The following NRXN3 variants were observed in gnomAD, a reference collection of about 807,000 sequenced individuals.
NRXN3 encodes the protein neurexin III.
NRXN3 carries 32 observed loss-of-function variants against 137.6 expected under a neutral mutation model. The observed-to-expected ratio is 0.23, with a 90% confidence interval of 0.18 to 0.31. The LOEUF (loss-of-function observed/expected upper bound fraction) is 0.31, where lower values mean the gene tolerates loss of function less well. Among genes scored for constraint, NRXN3 ranks in the 10% least tolerant of loss-of-function variants. The pLI is 1.00. For synonymous variants in NRXN3, 798 were observed against 784.5 expected (o/e 1.02, Z -0.29); for missense variants, 1,574 against 2,062.5 (o/e 0.76, Z 4.59).
At chr14:79,131,217 G>T (rs1189534660) in intron 15 of NRXN3, among the ~76,000 whole-genome samples, 2 of 152,206 alleles carry the variant, frequency 1.3e-5, no homozygotes, top group African/African-American at 4.8e-5. Flanking sequence ...TCCATTGCTG[G>T]TGAGGAACTG....
intron 9 of NRXN3, among the ~76,000 whole-genome samples, chr14:78,809,854 T>C (rs1055832576): frequency 5.3e-5 from 8 of 152,146 alleles, no homozygotes; most frequent in Admixed American, 4.6e-4. Flanking sequence ...ATACAAAAAT[T>C]GTGTTAATGC....
chr14:79,334,315 T>C (rs77938236), intron 15 of NRXN3, among the ~76,000 whole-genome samples: 1,876 of 152,266 alleles, frequency 0.012, 40 homozygotes, highest in African/African-American at 0.043. Flanking sequence ...CATGCTATTT[T>C]GGGTGGAGAA....
intron 17 of NRXN3, among the ~76,000 whole-genome samples, chr14:79,672,004 A>G (rs2098610256): frequency 6.6e-6 from 1 of 152,086 alleles, no homozygotes; most frequent in Non-Finnish European, 1.5e-5. Context: ...AACATACACA[A>G]AGGAGCTTTT....
intron 10 of NRXN3, among the ~76,000 whole-genome samples, chr14:78,840,829 AATT>A (rs753612478): frequency 3.5e-4 from 54 of 152,328 alleles, no homozygotes; most frequent in East Asian, 7.7e-4. Flanking sequence ...CAAATTTAGT[AATT>A]ATTCTAGCCA....
chr14:78,229,378 G>T (rs1403077537), intron 1 of NRXN3, among the ~76,000 whole-genome samples: 1 of 151,810 alleles, frequency 6.6e-6, no homozygotes, highest in Non-Finnish European at 1.5e-5. Context: ...GAGCTGTAGT[G>T]CCACTTCCGC....
At chr14:78,667,657 T>C (rs905907856) in intron 6 of NRXN3, among the ~76,000 whole-genome samples, 5 of 152,176 alleles carry the variant, frequency 3.3e-5, no homozygotes, top group Admixed American at 2.6e-4. Flanking sequence ...CAAAGGAGAA[T>C]AATTACTTCT....
intron 16 of NRXN3, among the ~76,000 whole-genome samples, chr14:79,592,466 T>A (rs2097815290): frequency 6.6e-6 from 1 of 152,206 alleles, no homozygotes; most frequent in East Asian, 1.9e-4. Context: ...AATAATGAAT[T>A]GGCCTAATTG....
intron 4 of NRXN3, among the ~76,000 whole-genome samples, chr14:78,622,385 TTATTATGTAAAATTC>T (rs1482713415): frequency 6.6e-6 from 1 of 152,216 alleles, no homozygotes; most frequent in Non-Finnish European, 1.5e-5. Context: ...GTGAAGTACT[TTATTATGTAAAATTC>T]ATCCTGTTTT....
At chr14:79,069,679 G>C (rs1335695810) in intron 15 of NRXN3, among the ~76,000 whole-genome samples, 1 of 151,944 alleles carries the variant, frequency 6.6e-6, no homozygotes, top group African/African-American at 2.4e-5. Context: ...ACTTTCTCTT[G>C]AAGTGACATT....
chr14:79,728,939 C>T (rs945181805), intron 19 of NRXN3, among the ~76,000 whole-genome samples: 2 of 152,120 alleles, frequency 1.3e-5, no homozygotes, highest in African/African-American at 4.8e-5. Flanking sequence ...TGATTGAACA[C>T]CTACTATGTG....
At chr14:78,670,661 A>G (rs2097925272) in intron 6 of NRXN3, among the ~76,000 whole-genome samples, 1 of 152,208 alleles carries the variant, frequency 6.6e-6, no homozygotes, top group South Asian at 2.1e-4. Context: ...GTGTTGCTGG[A>G]GTAATGTAAA....
chr14:79,766,456 T>C lies in NRXN3; in HGVS notation c.4015-38656T>C, dbSNP rs547820600. ...AGCTTGTTCCTGAGCTGAATTTCCA[T>C]GATCAGATGGTGGCAAGAGCCAAGT... On this transcript the variant is annotated intron_variant, in intron 19 of 20. Transcript: ENST00000335750. Among the ~76,000 whole-genome samples the C allele has an allele frequency of 3.7e-4, 57 of 152,348 alleles. 1 individual carries two copies. In the South Asian group the frequency reaches 8.7e-3, roughly 23 times the overall value.
Position 78,312,102 on chromosome 14 carries a change from T to G in NRXN3, c.757+14242T>G, listed in dbSNP as rs116490161. 6.0e-3 allele frequency among the ~76,000 whole-genome samples: 914 copies of G among 152,288 alleles called. 10 individuals are homozygous for G. Among genetic ancestry groups the G allele is most frequent in the African/African-American group, 0.02 (812 of 41,562 alleles). ...TGGTCATCTTCACTGTTGATGGTAT[T>G]TGTTATAGATCATTCATAGGCTGCT... is the stretch of plus-strand genomic sequence containing the variant. On this transcript the variant is annotated intron_variant, in intron 4 of 20. Coordinates refer to ENST00000335750, the MANE Select transcript of NRXN3 (RefSeq NM_001330195.2).
At chr14:78,781,169 G>A (rs2153028158) in intron 8 of NRXN3, among the ~76,000 whole-genome samples, 1 of 152,188 alleles carries the variant, frequency 6.6e-6, no homozygotes, top group East Asian at 1.9e-4. Flanking sequence ...TACTGAATAT[G>A]CAAACTGATA....
intron 8 of NRXN3, among the ~76,000 whole-genome samples, chr14:78,772,519 G>A (rs558323234): frequency 1.3e-5 from 2 of 152,284 alleles, no homozygotes; most frequent in African/African-American, 4.8e-5. Flanking sequence ...GCTAATAAGT[G>A]TCAAAACTAG....
intron 10 of NRXN3, among the ~76,000 whole-genome samples, chr14:78,829,874 GTTAA>G (rs1162876767): frequency 3.9e-5 from 6 of 152,142 alleles, no homozygotes; most frequent in African/African-American, 1.2e-4. Context: ...GCTCAGGGAA[GTTAA>G]TTAGAGTGTC....
intron 4 of NRXN3, among the ~76,000 whole-genome samples, chr14:78,374,659 A>G (rs776099214): frequency 2.0e-5 from 3 of 151,550 alleles, no homozygotes; most frequent in Non-Finnish European, 4.4e-5. Context: ...AATCCCAGCT[A>G]CTGGAGAGGC....
intron 15 of NRXN3, among the ~76,000 whole-genome samples, chr14:79,284,567 C>T (rs1466313926): frequency 6.6e-6 from 1 of 151,664 alleles, no homozygotes; most frequent in Non-Finnish European, 1.5e-5. Flanking sequence ...TTGGAAAGCT[C>T]AGTTTTAAAA....
intron 19 of NRXN3, among the ~76,000 whole-genome samples, chr14:79,794,626 A>G (rs183928394): frequency 8.1e-4 from 123 of 152,264 alleles, no homozygotes; most frequent in Non-Finnish European, 1.4e-3. Flanking sequence ...ATCCTTACCT[A>G]TTATACAGAG....
Sources: allele counts gnomAD v4.1 joint callset (sites outside exome capture counted in the v4.1 genomes callset), GRCh38; gene constraint gnomAD v4.1.1; transcripts MANE v1.5; gene names NCBI Gene and HGNC (gene_info 2026-07-23, HGNC 2026-07-21).